SPTBN1: variants seen among roughly 807,000 people sequenced by gnomAD.
SPTBN1 encodes spectrin beta, non-erythrocytic 1, also known as spectrin beta chain, non-erythrocytic 1.
Under a neutral mutation model 266.4 loss-of-function variants are expected in SPTBN1, and 32 were observed. The observed-to-expected ratio is 0.12, with a 90% confidence interval of 0.09 to 0.16. The LOEUF (loss-of-function observed/expected upper bound fraction) is 0.16. Ranked by LOEUF, SPTBN1 falls within the 10% of genes least tolerant of loss-of-function variation. The pLI is 1.00. For missense variants in SPTBN1, 2,296 were observed against 3,067.1 expected, an observed-to-expected ratio of 0.75 and a Z score of 5.94; for synonymous variants, 1,336 against 1,162.2, an observed-to-expected ratio of 1.15 and a Z score of -3.04.
At chr2:54,619,521 C>G (rs552679149) in intron 7 of SPTBN1, among the ~76,000 whole-genome samples, 4 of 152,174 alleles carry the variant, frequency 2.6e-5, no homozygotes, top group African/African-American at 7.2e-5. Flanking sequence ...GATCACAAGA[C>G]GAGGAGCTAA....
At chr2:54,556,312 T>C (rs1352779805) in intron 2 of SPTBN1, among the ~76,000 whole-genome samples, 1 of 152,238 alleles carries the variant, frequency 6.6e-6, no homozygotes, top group Non-Finnish European at 1.5e-5. Flanking sequence ...CTTGCATGTG[T>C]TCACTCTGCC....
intron 1 of SPTBN1, among the ~76,000 whole-genome samples, chr2:54,505,190 G>C (rs945771310): frequency 6.6e-6 from 1 of 152,104 alleles, no homozygotes; most frequent in African/African-American, 2.4e-5. Context: ...CATTGTATTC[G>C]ATCACAAGAA....
In SPTBN1 at chr2:54,651,631, G is replaced by T. The variant is rs891057562; in HGVS notation, c.5577+1642G>T. Among the ~76,000 whole-genome samples, 49 of 152,200 alleles carry T rather than the reference G, an allele frequency of 3.2e-4. 1 individual carries two copies. The highest frequency in any genetic ancestry group is 1.2e-3 in the African/African-American group (49 of 41,454). ...TTATGCAAAGCAATAGTTCATATTT[G>T]TGGAAATTTTCACTTTTGCTGTCCT... On this transcript the variant is annotated intron_variant, in intron 26 of 35. Coordinates refer to ENST00000356805, the MANE Select transcript of SPTBN1 (RefSeq NM_003128.3).
At chr2:54,660,088 G>T in intron 32 of SPTBN1, 89 bp downstream of exon 32, 1 of 1,612,458 alleles carries the variant, frequency 6.2e-7, no homozygotes, top group Non-Finnish European at 8.5e-7. Flanking sequence ...GGACTGTGAA[G>T]TTCACTACCA....
chr2:54,487,832 C>CTGTTTTTTTTTTTTTTTTTTTTTT (rs1426296541), intron 1 of SPTBN1, among the ~76,000 whole-genome samples: 2 of 68,644 alleles, frequency 2.9e-5, no homozygotes, highest in Non-Finnish European at 5.1e-5. Context: ...CCTCCTGTGT[C>CTGTTTTTTTTTTTTTTTTTTTTTT]TTTTTTTTTT....
chr2:54,565,521 T>A (rs747172034), intron 2 of SPTBN1, among the ~76,000 whole-genome samples: 1 of 152,186 alleles, frequency 6.6e-6, no homozygotes, highest in Non-Finnish European at 1.5e-5. Context: ...GAAAGAGATA[T>A]AAGTTTAGAA....
In SPTBN1 at chr2:54,641,481, G is replaced by A. The variant is rs558963327; in HGVS notation, c.3859-1502G>A. On this transcript the variant is annotated intron_variant, in intron 18 of 35. Coordinates refer to ENST00000356805, the MANE Select transcript of SPTBN1 (RefSeq NM_003128.3). ...TTTCCCCTAAGATTGAATAGCCATA[G>A]TCTTTCAGATTTTAGCTGCCCAGAT... Among the ~76,000 whole-genome samples the A allele has an allele frequency of 5.3e-4, 81 of 152,324 alleles. 2 individuals carry two copies. The South Asian group carries it at 0.017, about 31-fold the overall frequency.
At chr2:54,478,192 G>A (rs1667935286) in intron 1 of SPTBN1, among the ~76,000 whole-genome samples, 1 of 152,048 alleles carries the variant, frequency 6.6e-6, no homozygotes, top group African/African-American at 2.4e-5. Context: ...TGGTCCCAGG[G>A]CCCTTGTCTG....
At chr2:54,623,764 T>C (rs192236567) in intron 10 of SPTBN1, among the ~76,000 whole-genome samples, 168 bp downstream of exon 10, 23 of 152,262 alleles carry the variant, frequency 1.5e-4, no homozygotes, top group Non-Finnish European at 3.1e-4. Flanking sequence ...AAGCAAGCAA[T>C]GGTACCGGGT....
intron 2 of SPTBN1, among the ~76,000 whole-genome samples, chr2:54,590,108 C>G (rs1236591031): frequency 6.6e-6 from 1 of 152,104 alleles, no homozygotes; most frequent in Non-Finnish European, 1.5e-5. Flanking sequence ...GGCAATTGCC[C>G]AAAGATAAAA....
chr2:54,537,950 C>T (rs910713539), intron 2 of SPTBN1, among the ~76,000 whole-genome samples: 3 of 152,168 alleles, frequency 2.0e-5, no homozygotes, highest in South Asian at 2.1e-4. Context: ...AAGAGCATGG[C>T]AGCTCTCCCT....
intron 3 of SPTBN1, among the ~76,000 whole-genome samples, chr2:54,610,271 T>A (rs1677124737): frequency 1.3e-5 from 2 of 152,232 alleles, no homozygotes. Flanking sequence ...CATCCTTTGC[T>A]GGTGTTACAT....
intron 2 of SPTBN1, among the ~76,000 whole-genome samples, chr2:54,589,681 C>T (rs1437646400): frequency 6.6e-6 from 1 of 152,180 alleles, no homozygotes; most frequent in East Asian, 1.9e-4. Context: ...CAGACTAGTC[C>T]GTCACAGGGA....
chr2:54,486,218 T>G (rs1204060058), intron 1 of SPTBN1, among the ~76,000 whole-genome samples: 2 of 151,500 alleles, frequency 1.3e-5, no homozygotes, highest in African/African-American at 2.4e-5. Flanking sequence ...GTCTGGGAGG[T>G]GTACCCAACA....
In SPTBN1 at chr2:54,623,540, A is replaced by C. The variant is rs770910553; in HGVS notation, c.1126A>C (p.Asn376His). 1.9e-6 allele frequency: 3 copies of C among 1,614,224 alleles called. No individual in the cohort carries two copies. The highest frequency in any genetic ancestry group is 3.3e-5 in the Admixed American group (2 of 60,030). Residue 376 changes from asparagine to histidine, a missense_variant, in exon 10 of 36, where the codon AAC (asparagine) becomes CAC (histidine). Asn to His is a moderately conservative substitution (Grantham distance 68). Transcript: ENST00000356805. The stretch of plus-strand genomic sequence containing the variant: ...CACCATTCAGAGCAAGATGAGGGCC[A>C]ACAACCAGAAGGTCTACATGCCCCG... ...LFTIQSKMRA[N>H]NQKVYMPREG...
rs561611360 is a variant in SPTBN1, at chr2:54,460,960, C to A, written c.-48+4442C>A. On this transcript the variant is annotated intron_variant, in intron 1 of 35. Transcript: ENST00000356805. Reference sequence around the variant, plus strand: ...GAGGTTGCAGTGAGCCGAGATCGCGCCACTGCATTCCAACCTGGGTGACAA... The same window carrying A: ...GAGGTTGCAGTGAGCCGAGATCGCGACACTGCATTCCAACCTGGGTGACAA... Among the ~76,000 whole-genome samples the A allele has an allele frequency of 2.0e-5, 3 of 152,262 alleles. No individual in the cohort carries two copies. The South Asian group carries it at 6.2e-4, about 32-fold the overall frequency.
chr2:54,476,232 G>A (rs1388985845), intron 1 of SPTBN1, among the ~76,000 whole-genome samples: 2 of 152,012 alleles, frequency 1.3e-5, no homozygotes, highest in African/African-American at 2.4e-5. Context: ...CTAGATGCAG[G>A]CCATTGATCA....
intron 7 of SPTBN1, among the ~76,000 whole-genome samples, chr2:54,620,380 T>C (rs1677914947): frequency 6.6e-6 from 1 of 152,130 alleles, no homozygotes; most frequent in Non-Finnish European, 1.5e-5. Context: ...TGATGGATAG[T>C]AAGAAAGTTA....
chr2:54,471,905 G>T (rs559112955), intron 1 of SPTBN1, among the ~76,000 whole-genome samples: 1 of 141,370 alleles, frequency 7.1e-6, no homozygotes, highest in Non-Finnish European at 1.5e-5. Flanking sequence ...GATTTTACTG[G>T]ACTAATTATT....
Sources: allele counts gnomAD v4.1 joint callset (sites outside exome capture counted in the v4.1 genomes callset), GRCh38; gene constraint gnomAD v4.1.1; transcripts MANE v1.5; gene names NCBI Gene and HGNC (gene_info 2026-07-23, HGNC 2026-07-21).